GPC5: variants seen among roughly 807,000 people sequenced by gnomAD.
The protein encoded by GPC5 is glypican-5.
Under a neutral mutation model 53.9 loss-of-function variants are expected in GPC5, and 47 were observed. The observed-to-expected ratio is 0.87, with a 90% CI of 0.69 to 1.11. GPC5 has a LOEUF of 1.11. Ranked by LOEUF, GPC5 falls within the 50% of genes most tolerant of loss-of-function variation. The pLI, the probability that GPC5 is intolerant of heterozygous loss-of-function variation, is 0.00. For synonymous variants in GPC5, 286 were observed against 263.3 expected (o/e 1.09, Z -0.84); for missense variants, 748 against 713.1 (o/e 1.05, Z -0.56).
At chr13:92,481,251 C>A (rs1879344297) in intron 7 of GPC5, among the ~76,000 whole-genome samples, 1 of 152,022 alleles carries the variant, frequency 6.6e-6, no homozygotes, top group South Asian at 2.1e-4. Context: ...CAGGTGCCCA[C>A]CACCATGCCC....
At chr13:92,720,987 T>C (rs1161118397) in intron 7 of GPC5, among the ~76,000 whole-genome samples, 1 of 152,046 alleles carries the variant, frequency 6.6e-6, no homozygotes, top group East Asian at 1.9e-4. Flanking sequence ...GTGTTTTCTC[T>C]CTCTGTATAT....
At chr13:92,203,645 TATATA>T (rs2042311286) in intron 7 of GPC5, among the ~76,000 whole-genome samples, 1 of 139,496 alleles carries the variant, frequency 7.2e-6, no homozygotes, top group Non-Finnish European at 1.5e-5. Flanking sequence ...AATAAAAAAA[TATATA>T]TATATAAAAA....
chr13:92,001,749 T>C (rs1011759183), intron 6 of GPC5, among the ~76,000 whole-genome samples: 2 of 152,180 alleles, frequency 1.3e-5, no homozygotes, highest in Non-Finnish European at 2.9e-5. Context: ...TTGATGAAGG[T>C]ATACATTTTT....
Position 91,593,768 on chromosome 13 carries a change from G to T in GPC5, c.326-99419G>T, listed in dbSNP as rs1040869916. 2.0e-5 allele frequency among the ~76,000 whole-genome samples: 3 copies of T among 151,898 alleles called. No homozygotes were observed. In the East Asian group the frequency reaches 5.8e-4, roughly 29 times the overall value. On this transcript the variant is annotated intron_variant, in intron 2 of 7. Coordinates refer to ENST00000377067, the MANE Select transcript of GPC5 (RefSeq NM_004466.6). ...ATTTTTTTCAATCAGTGAAAAAAAC[G>T]AATGTTTTCATTTCATAAATATATT...
intron 7 of GPC5, among the ~76,000 whole-genome samples, chr13:92,699,995 G>A (rs1887677128): frequency 6.6e-6 from 1 of 152,060 alleles, no homozygotes; most frequent in African/African-American, 2.4e-5. Flanking sequence ...TTAATATTCT[G>A]ACTTGTTGAT....
chr13:92,172,038 T>C (rs750741309), intron 7 of GPC5, among the ~76,000 whole-genome samples: 6 of 152,236 alleles, frequency 3.9e-5, no homozygotes, highest in Non-Finnish European at 7.3e-5. Context: ...GTACCTACAA[T>C]AGATTGTTAG....
At chr13:92,421,698 CAAAAAAAA>C (rs34055682) in intron 7 of GPC5, among the ~76,000 whole-genome samples, 16 of 69,486 alleles carry the variant, frequency 2.3e-4, no homozygotes, top group African/African-American at 8.1e-4. Context: ...GACTCCGTCT[CAAAAAAAA>C]AAAAAAAAAA....
intron 2 of GPC5, among the ~76,000 whole-genome samples, chr13:91,545,511 A>T (rs960826595): frequency 1.3e-5 from 2 of 152,006 alleles, no homozygotes; most frequent in Non-Finnish European, 2.9e-5. Context: ...ATTTTCATAA[A>T]TTTTTTTCAT....
At chr13:91,485,977 T>C (rs1439728662) in intron 2 of GPC5, 1 of 152,192 alleles carries the variant, frequency 6.6e-6, no homozygotes, top group African/African-American at 2.4e-5. Context: ...CACCGTTTGG[T>C]CTCAATTATT....
chr13:91,669,364 A>G (rs1266572336), intron 2 of GPC5, among the ~76,000 whole-genome samples: 7 of 152,222 alleles, frequency 4.6e-5, no homozygotes, highest in Admixed American at 4.6e-4. Context: ...TATGATTTCA[A>G]TTCCTAGACA....
At chr13:91,901,426 G>A (rs2039496272) in intron 5 of GPC5, among the ~76,000 whole-genome samples, 1 of 152,010 alleles carries the variant, frequency 6.6e-6, no homozygotes, top group Non-Finnish European at 1.5e-5. Flanking sequence ...ATGAAAGGTA[G>A]TCCCATAAAC....
At chr13:92,367,334 T>G (rs1319874391) in intron 7 of GPC5, among the ~76,000 whole-genome samples, 1 of 152,182 alleles carries the variant, frequency 6.6e-6, no homozygotes, top group Non-Finnish European at 1.5e-5. Flanking sequence ...AGCATGATGC[T>G]TTCCTTTAGA....
chr13:91,734,403 G>A lies in GPC5; in HGVS notation c.1154+5738G>A, dbSNP rs566749733. 2.8e-4 allele frequency among the ~76,000 whole-genome samples: 43 copies of A among 151,218 alleles called. 1 individual carries two copies. Among genetic ancestry groups the A allele is most frequent in the Middle Eastern group, 3.4e-3 (1 of 294 alleles). On this transcript the variant is annotated intron_variant, in intron 4 of 7. Transcript: ENST00000377067. ...AGGAGTGTGAAATAACTACAGGGTG[G>A]GTCTGTGGACTGAATGTCCCAATGT...
At chr13:91,437,269 T>G (rs113388745) in intron 1 of GPC5, among the ~76,000 whole-genome samples, 1 of 152,250 alleles carries the variant, frequency 6.6e-6, no homozygotes, top group Non-Finnish European at 1.5e-5. Flanking sequence ...GTTGATGCAG[T>G]TTCTTCCTAG....
chr13:92,645,830 G>A (rs1885749946), intron 7 of GPC5, among the ~76,000 whole-genome samples: 1 of 151,026 alleles, frequency 6.6e-6, no homozygotes, highest in African/African-American at 2.4e-5. Context: ...TTTTGGTGAA[G>A]TGTCTTTTCA....
intron 6 of GPC5, among the ~76,000 whole-genome samples, chr13:92,017,799 C>T (rs1488340794): frequency 1.3e-5 from 2 of 151,460 alleles, no homozygotes; most frequent in Admixed American, 1.3e-4. Flanking sequence ...CGCATGAGTA[C>T]ACACACGCAT....
intron 7 of GPC5, among the ~76,000 whole-genome samples, chr13:92,848,079 G>A (rs1201739574): frequency 6.6e-6 from 1 of 152,106 alleles, no homozygotes. Context: ...GTTATTTCTG[G>A]CTCTGTAACC....
At chr13:91,808,872 A>G (rs2038265761) in intron 5 of GPC5, among the ~76,000 whole-genome samples, 1 of 152,160 alleles carries the variant, frequency 6.6e-6, no homozygotes, top group Admixed American at 6.6e-5. Flanking sequence ...CAGTGCTAGC[A>G]TTGTTTCACA....
chr13:91,962,859 C>T (rs1444232889), intron 6 of GPC5, among the ~76,000 whole-genome samples: 5 of 152,104 alleles, frequency 3.3e-5, no homozygotes, highest in Admixed American at 3.3e-4. Flanking sequence ...GCCAATTTAG[C>T]CTACTGGTGT....
Sources: gnomAD v4.1 joint callset for allele counts (sites outside exome capture counted in the v4.1 genomes callset) on GRCh38, gnomAD v4.1.1 for gene constraint, MANE v1.5 for transcripts, NCBI Gene and HGNC (gene_info 2026-07-23, HGNC 2026-07-21) for gene names.